PAPPA2: variants seen among roughly 807,000 people sequenced by gnomAD.
PAPPA2 encodes the protein pappalysin 2.
Under a neutral mutation model 176.4 loss-of-function variants are expected in PAPPA2, and 86 were observed. That is an observed-to-expected ratio of 0.49 (90% CI 0.41 to 0.58). PAPPA2 has a LOEUF of 0.58. Among genes scored for constraint, PAPPA2 ranks in the 20% least tolerant of loss-of-function variants. The pLI is 0.00. For missense variants in PAPPA2, 2,073 were observed against 2,256.9 expected (o/e 0.92, Z 1.65); for synonymous variants, 809 against 852.2 (o/e 0.95, Z 0.88).
intron 12 of PAPPA2, among the ~76,000 whole-genome samples, chr1:176,717,689 A>G (rs980304896): frequency 6.6e-6 from 1 of 152,250 alleles, no homozygotes; most frequent in African/African-American, 2.4e-5. Context: ...GTTTTCTGAG[A>G]AAGTGGAGTT....
chr1:176,658,816 T>C (rs1281951425), intron 3 of PAPPA2, among the ~76,000 whole-genome samples: 1 of 151,818 alleles, frequency 6.6e-6, no homozygotes, highest in Non-Finnish European at 1.5e-5. Context: ...GTATCAAGAG[T>C]AAACAGAAGA....
intron 1 of PAPPA2, among the ~76,000 whole-genome samples, chr1:176,488,549 C>T (rs1558398009): frequency 6.6e-6 from 1 of 152,142 alleles, no homozygotes; most frequent in South Asian, 2.1e-4. Context: ...TTAGGTTCCA[C>T]TTCTTCACCC....
At chr1:176,644,142 A>G (rs1657256874) in intron 3 of PAPPA2, among the ~76,000 whole-genome samples, 1 of 151,826 alleles carries the variant, frequency 6.6e-6, no homozygotes, top group African/African-American at 2.4e-5. Context: ...CAGTGTCTTC[A>G]CCAGGAGGCT....
intron 3 of PAPPA2, among the ~76,000 whole-genome samples, chr1:176,623,835 GTCTC>G (rs1313145185): frequency 3.7e-5 from 3 of 81,286 alleles, no homozygotes; most frequent in African/African-American, 9.2e-5. Context: ...CTCTCTCTCT[GTCTC>G]TCTCTCTCTC....
At chr1:176,540,878 T>G (rs1650327476) in intron 1 of PAPPA2, among the ~76,000 whole-genome samples, 4 of 152,172 alleles carry the variant, frequency 2.6e-5, no homozygotes, top group Non-Finnish European at 5.9e-5. Flanking sequence ...GCTTCTGAGT[T>G]CTTACTGGCT....
intron 1 of PAPPA2, among the ~76,000 whole-genome samples, chr1:176,471,966 T>C (rs1219134180): frequency 6.6e-6 from 1 of 152,184 alleles, no homozygotes; most frequent in African/African-American, 2.4e-5. Flanking sequence ...GGCAAGGATA[T>C]GGGTGGCACA....
At chr1:176,793,260 C>T (rs888431373) in intron 19 of PAPPA2, among the ~76,000 whole-genome samples, 1 of 152,102 alleles carries the variant, frequency 6.6e-6, no homozygotes, top group African/African-American at 2.4e-5. Context: ...GTTAATCTTT[C>T]AATTACTACA....
At chr1:176,473,501 C>T (rs1181799403) in intron 1 of PAPPA2, among the ~76,000 whole-genome samples, 1 of 152,124 alleles carries the variant, frequency 6.6e-6, no homozygotes. Flanking sequence ...TCTGTGTGCC[C>T]ATTTTTGTGT....
At position 176,754,660 on chromosome 1, in the gene PAPPA2, G is replaced by A. The variant is rs185028985; in HGVS notation, c.4152-11006G>A. Among the ~76,000 whole-genome samples, 152 of 152,324 alleles carry A rather than the reference G, an allele frequency of 1.0e-3. 1 individual carries two copies. The Middle Eastern group carries it at 0.01, about 10-fold the overall frequency. ...GTAGAAAAAGTAGTATTGAAAAGAG[G>A]GATGAATTAAAAATGTCACCTACTT... On this transcript the variant is annotated intron_variant, in intron 14 of 22. Transcript: ENST00000367662.
At chr1:176,770,659 C>T (rs1447218761) in intron 16 of PAPPA2, among the ~76,000 whole-genome samples, 2 of 152,148 alleles carry the variant, frequency 1.3e-5, no homozygotes, top group Non-Finnish European at 2.9e-5. Context: ...ATGATAACAT[C>T]ACTGCTATAT....
At chr1:176,608,424 T>C (rs1443095896) in intron 3 of PAPPA2, among the ~76,000 whole-genome samples, 1 of 152,222 alleles carries the variant, frequency 6.6e-6, no homozygotes, top group Non-Finnish European at 1.5e-5. Context: ...TAAAATATAT[T>C]ATTGGCATGA....
chr1:176,739,855 C>T lies in PAPPA2; in HGVS notation c.3934+94C>T, dbSNP rs1339988030. On this transcript the variant is annotated intron_variant, in intron 13 of 22. Transcript: ENST00000367662. ...GTCTGTCTTTTATGTTGTCTGGGAT[C>T]TTGCCTACATCATACATCTAGGTTT... 3 of 1,569,612 alleles carry T rather than the reference C, an allele frequency of 1.9e-6. No homozygotes were observed. In the African/African-American group the frequency reaches 4.1e-5, roughly 21 times the overall value.
intron 21 of PAPPA2, among the ~76,000 whole-genome samples, chr1:176,805,708 C>G (rs1297242795): frequency 1.3e-5 from 2 of 152,136 alleles, no homozygotes; most frequent in Admixed American, 1.3e-4. Context: ...CAAGGCCAGG[C>G]ACAGTGGCTC....
intron 21 of PAPPA2, among the ~76,000 whole-genome samples, chr1:176,834,799 G>A (rs753793441): frequency 3.9e-5 from 6 of 151,996 alleles, no homozygotes; most frequent in African/African-American, 7.3e-5. Context: ...GTGAAACCCC[G>A]TCTCTACTAG....
chr1:176,697,503 G>A (rs1031417342), intron 7 of PAPPA2, among the ~76,000 whole-genome samples: 3 of 152,156 alleles, frequency 2.0e-5, no homozygotes, highest in Admixed American at 1.3e-4. Flanking sequence ...TACACTATAA[G>A]AGTAATCTCT....
chr1:176,765,915 A>T, intron 15 of PAPPA2, 78 bp downstream of exon 15: 1 of 1,525,428 alleles, frequency 6.6e-7, no homozygotes, highest in South Asian at 1.3e-5. Flanking sequence ...CTGGCTCCAC[A>T]GGGAAAGAGC....
intron 3 of PAPPA2, among the ~76,000 whole-genome samples, chr1:176,638,909 C>T (rs1656888192): frequency 6.7e-6 from 1 of 149,618 alleles, no homozygotes; most frequent in Non-Finnish European, 1.5e-5. Context: ...TTTTAAGAAA[C>T]TGTGGTGTGT....
At chr1:176,698,970 TA>T in intron 7 of PAPPA2, 129 bp from the exon 8 acceptor site, 3 of 1,233,350 alleles carry the variant, frequency 2.4e-6, no homozygotes, top group Non-Finnish European at 3.4e-6. Flanking sequence ...TCTAACCTGC[TA>T]AGATGACCAA....
intron 21 of PAPPA2, among the ~76,000 whole-genome samples, chr1:176,823,741 C>G (rs1401961129): frequency 6.6e-6 from 1 of 152,132 alleles, no homozygotes; most frequent in African/African-American, 2.4e-5. Context: ...TCTGTTGGTC[C>G]TCCCATTCAC....
Sources: gnomAD v4.1 joint callset for allele counts (sites outside exome capture counted in the v4.1 genomes callset) on GRCh38, gnomAD v4.1.1 for gene constraint, MANE v1.5 for transcripts, NCBI Gene and HGNC (gene_info 2026-07-23, HGNC 2026-07-21) for gene names.